The following TSPEAR variants were observed in gnomAD, a reference collection of about 807,000 sequenced individuals.
TSPEAR encodes the protein thrombospondin-type laminin G domain and EAR repeat-containing protein.
A neutral mutation model predicts 71.6 loss-of-function variants in TSPEAR; 69 were observed. That is an observed-to-expected ratio of 0.96 (90% CI 0.79 to 1.18). The LOEUF (loss-of-function observed/expected upper bound fraction) is 1.18. TSPEAR is among the 50% of genes most tolerant of loss of function. TSPEAR has a pLI of 0.00. For missense variants in TSPEAR, 971 were observed against 894.9 expected, an observed-to-expected ratio of 1.09 and a Z score of -1.09; for synonymous variants, 402 against 387.2, an observed-to-expected ratio of 1.04 and a Z score of -0.45.
intron 1 of TSPEAR, among the ~76,000 whole-genome samples, chr21:44,674,029 A>T (rs13048816): frequency 0.55 from 82,933 of 151,444 alleles, 23,010 homozygotes; most frequent in African/African-American, 0.64. Flanking sequence ...TGGTGCCTAT[A>T]GTCCCAGCTG....
chr21:44,638,481 G>A, intron 1 of TSPEAR: 1 of 342,562 alleles, frequency 2.9e-6, no homozygotes, highest in Non-Finnish European at 5.8e-6. Context: ...TGGACCCCCG[G>A]GGGGGCACAG....
intron 2 of TSPEAR, among the ~76,000 whole-genome samples, chr21:44,554,812 TG>T (rs2053500388): frequency 6.6e-6 from 1 of 152,230 alleles, no homozygotes. Flanking sequence ...TATTTAGGAT[TG>T]TATGTGCGGT....
intron 9 of TSPEAR, chr21:44,517,469 G>A (rs908679834): frequency 6.3e-5 from 18 of 283,694 alleles, no homozygotes; most frequent in South Asian, 1.9e-4. Context: ...CGTGAGCACA[G>A]GTCCAGCTAG....
chr21:44,526,902 C>T (rs1251895894), intron 7 of TSPEAR, among the ~76,000 whole-genome samples: 4 of 152,262 alleles, frequency 2.6e-5, no homozygotes, highest in African/African-American at 9.6e-5. Flanking sequence ...ATGTGGACAT[C>T]ACGTGTCCTC....
intron 1 of TSPEAR, among the ~76,000 whole-genome samples, chr21:44,661,738 A>C (rs1180636490): frequency 6.6e-6 from 1 of 152,190 alleles, no homozygotes; most frequent in African/African-American, 2.4e-5. Context: ...CAGGCACATC[A>C]CGTGGCCAGA....
intron 8 of TSPEAR, among the ~76,000 whole-genome samples, chr21:44,524,275 G>A (rs1555914662): frequency 1.3e-5 from 2 of 151,742 alleles, no homozygotes; most frequent in Non-Finnish European, 2.9e-5. Flanking sequence ...AGCCAGTCAG[G>A]TAGTTAGTCA....
rs900174569 is a variant in TSPEAR at position 44,568,785 on chromosome 21, C to T, written c.83-780G>A. Among the ~76,000 whole-genome samples, 7 of 152,258 alleles carry T rather than the reference C, an allele frequency of 4.6e-5. No individual in the cohort carries two copies. The South Asian group carries it at 8.3e-4, about 18-fold the overall frequency. ...GCCCCAGCCTGGGTAAATGCCAGGG[C>T]GTGGCTGAATGAAGCAGGTGTTCCT... On this transcript the variant is annotated intron_variant, in intron 1 of 11. Transcript: ENST00000323084.
chr21:44,500,845 C>T (rs1012682767), intron 11 of TSPEAR, among the ~76,000 whole-genome samples: 8 of 152,142 alleles, frequency 5.3e-5, no homozygotes, highest in African/African-American at 9.7e-5. Context: ...GGTTTTCTGT[C>T]GTGTGTGTGG....
chr21:44,618,364 T>C (rs1982240129), intron 1 of TSPEAR, among the ~76,000 whole-genome samples: 1 of 152,230 alleles, frequency 6.6e-6, no homozygotes, highest in Admixed American at 6.5e-5. Flanking sequence ...ACTGAGTCAA[T>C]CAAAGTTCTT....
At chr21:44,526,036 A>C in intron 7 of TSPEAR, 197 bp from the exon 8 acceptor site, 1 of 494,780 alleles carries the variant, frequency 2.0e-6, no homozygotes, top group Non-Finnish European at 3.6e-6. Context: ...ATTCATCAAG[A>C]CCCTTGAAAA....
chr21:44,628,193 C>T lies in TSPEAR; in HGVS notation c.83-60188G>A, dbSNP rs1402263003. 1.0e-5 allele frequency: 10 copies of T among 1,000,012 alleles called. No individual in the cohort carries two copies. The African/African-American group carries it at 1.6e-4, about 16-fold the overall frequency. 61.9% of individuals were successfully genotyped at this position (1,000,012 alleles called of 1,614,324 possible). On this transcript the variant is annotated intron_variant, in intron 1 of 11. Coordinates refer to ENST00000323084, the MANE Select transcript of TSPEAR (RefSeq NM_144991.3). ...CCGCCCAGCCCCGGGGTCTCAGATGCTCACTGGCTCCTCCCTGACCTCCCC... is the reference window on the plus strand; with the variant it reads ...CCGCCCAGCCCCGGGGTCTCAGATGTTCACTGGCTCCTCCCTGACCTCCCC...
At chr21:44,567,015 A>C (rs2146069712) in intron 2 of TSPEAR, among the ~76,000 whole-genome samples, 1 of 152,368 alleles carries the variant, frequency 6.6e-6, no homozygotes, top group Middle Eastern at 3.4e-3. Flanking sequence ...TAAATTGAAC[A>C]TCATCATGGT....
At position 44,535,896 on chromosome 21, in the gene TSPEAR, C is replaced by CAAAAAAAA. The variant is rs10712664; in HGVS notation, c.304-1981_304-1974dup. ...CAGAAGGATCAATTTCTATGTTTAT[C>CAAAAAAAA]AAAAAAAAAAAAAGGAAAAAAGAAA... On this transcript the variant is annotated intron_variant, in intron 2 of 11. Transcript: ENST00000323084. 5.2e-3 allele frequency among the ~76,000 whole-genome samples: 716 copies of CAAAAAAAA among 136,850 alleles called. 4 individuals are homozygous for CAAAAAAAA. The highest frequency in any genetic ancestry group is 0.019 in the African/African-American group (675 of 36,444). The allele number at this position is 136,850 out of a possible 152,430, so 89.8% of individuals were successfully genotyped here.
chr21:44,642,581 T>C lies in TSPEAR; in HGVS notation c.82+68852A>G, dbSNP rs587720192. ...AAATGGGGCCGGGCGCAGTGGCTCATGCCTGTAATCCCAGCACTTTGAGAG... is the reference window on the plus strand; with the variant it reads ...AAATGGGGCCGGGCGCAGTGGCTCACGCCTGTAATCCCAGCACTTTGAGAG... On this transcript the variant is annotated intron_variant, in intron 1 of 11. Coordinates refer to ENST00000323084, the MANE Select transcript of TSPEAR (RefSeq NM_144991.3). The surrounding 1 kb of genome is among the most constrained non-coding windows in gnomAD (Gnocchi z 4.1). 6.3e-4 allele frequency among the ~76,000 whole-genome samples: 96 copies of C among 152,328 alleles called. No homozygotes were observed. Among genetic ancestry groups the C allele is most frequent in the African/African-American group, 2.1e-3 (86 of 41,574 alleles).
chr21:44,606,173 A>AAAAAC (rs1244810522), intron 1 of TSPEAR, among the ~76,000 whole-genome samples: 1 of 151,514 alleles, frequency 6.6e-6, no homozygotes, highest in African/African-American at 2.4e-5. Context: ...CAAAAAAAAA[A>AAAAAC]AAAAAAAAAA....
chr21:44,519,996 A>G (rs2052699321), intron 9 of TSPEAR: 1 of 152,364 alleles, frequency 6.6e-6, no homozygotes, highest in Non-Finnish European at 1.5e-5. Context: ...ATCCCAGTGC[A>G]CTGAGCCTCA....
chr21:44,543,495 A>G (rs1555917431), intron 2 of TSPEAR, among the ~76,000 whole-genome samples: 1 of 152,202 alleles, frequency 6.6e-6, no homozygotes, highest in Non-Finnish European at 1.5e-5. Flanking sequence ...ATTCCTCCCC[A>G]AAGGTTGTCT....
intron 9 of TSPEAR, among the ~76,000 whole-genome samples, chr21:44,513,490 G>C (rs1353597653): frequency 6.6e-6 from 1 of 152,200 alleles, no homozygotes; most frequent in Non-Finnish European, 1.5e-5. Flanking sequence ...CCAGGCACCT[G>C]CTGGGCTGGG....
intron 11 of TSPEAR, among the ~76,000 whole-genome samples, chr21:44,500,306 G>A (rs1334711215): frequency 6.6e-6 from 1 of 152,202 alleles, no homozygotes; most frequent in Non-Finnish European, 1.5e-5. Flanking sequence ...CCACCACGCA[G>A]GCTGGAACCC....
Sources: gnomAD v4.1 joint callset for allele counts (sites outside exome capture counted in the v4.1 genomes callset) on GRCh38, gnomAD v4.1.1 for gene constraint, Gnocchi (gnomAD v3.1) non-coding constraint, MANE v1.5 for transcripts, NCBI Gene and HGNC (gene_info 2026-07-23, HGNC 2026-07-21) for gene names.